The following ARHGAP24 variants were observed in gnomAD, a reference collection of about 807,000 sequenced individuals.
ARHGAP24 encodes rho GTPase-activating protein 24.
Under a neutral mutation model 76.4 loss-of-function variants are expected in ARHGAP24, and 50 were observed. The ratio of observed to expected loss-of-function variants is 0.65; its 90% CI spans 0.52 to 0.83. The LOEUF is 0.83. ARHGAP24 is among the 40% of genes least tolerant of loss of function. ARHGAP24 has a pLI of 0.00. For synonymous variants in ARHGAP24, 345 were observed against 323.3 expected, an observed-to-expected ratio of 1.07 and a Z score of -0.72; for missense variants, 930 against 914.2, an observed-to-expected ratio of 1.02 and a Z score of -0.22.
chr4:85,583,673 A>C lies in ARHGAP24; in HGVS notation c.180+12952A>C, dbSNP rs576033969. ...AACAGGCATCCTACAAAATGGGAGA[A>C]AATTTTCGCAACCTACTCATCTGAC... On this transcript the variant is annotated intron_variant, in intron 2 of 9. Transcript: ENST00000395184. Among the ~76,000 whole-genome samples, 128 of 151,876 alleles carry C rather than the reference A, an allele frequency of 8.4e-4. 1 individual carries two copies. The highest frequency in any genetic ancestry group is 3.0e-3 in the African/African-American group (124 of 41,486).
At chr4:85,987,677 CT>C (rs1029192354) in intron 8 of ARHGAP24, among the ~76,000 whole-genome samples, 2 of 151,984 alleles carry the variant, frequency 1.3e-5, no homozygotes, top group Middle Eastern at 3.4e-3. Context: ...GAATATTACA[CT>C]CGATGAGATT....
intron 3 of ARHGAP24, among the ~76,000 whole-genome samples, chr4:85,854,925 G>A (rs1731467060): frequency 1.3e-5 from 2 of 152,138 alleles, no homozygotes; most frequent in Non-Finnish European, 2.9e-5. Context: ...CCAAGAACAA[G>A]GGACTATTTA....
chr4:85,636,666 C>T (rs997903720), intron 2 of ARHGAP24, among the ~76,000 whole-genome samples: 1 of 151,900 alleles, frequency 6.6e-6, no homozygotes, highest in African/African-American at 2.4e-5. Context: ...TCTGAAAATG[C>T]GGTGGAAATA....
intron 1 of ARHGAP24, among the ~76,000 whole-genome samples, chr4:85,551,806 G>T (rs1327071903): frequency 6.7e-6 from 1 of 148,516 alleles, no homozygotes; most frequent in African/African-American, 2.5e-5. Context: ...TTAAGTTTGT[G>T]TGCACAGAGT....
intron 3 of ARHGAP24, among the ~76,000 whole-genome samples, chr4:85,846,662 T>C (rs900705073): frequency 6.6e-6 from 1 of 152,214 alleles, no homozygotes; most frequent in African/African-American, 2.4e-5. Flanking sequence ...CTTGTTATCT[T>C]GGATAAAGAT....
rs145045928 is a variant in ARHGAP24, at chr4:85,523,397, G to A, written c.-20-47125G>A. 2.3e-3 allele frequency among the ~76,000 whole-genome samples: 344 copies of A among 152,168 alleles called. 2 individuals carry two copies. The highest frequency in any genetic ancestry group is 0.014 in the Middle Eastern group (4 of 294). ...TGACTCAGAGCACCTCCTCATTGCC[G>A]TCTATTGGTAAGTCTCAAAGAAGGT... On this transcript the variant is annotated intron_variant, in intron 1 of 9. Coordinates refer to ENST00000395184, the MANE Select transcript of ARHGAP24 (RefSeq NM_001025616.3).
chr4:85,721,793 A>G, intron 2 of ARHGAP24, 92 bp from the exon 3 acceptor site: 1 of 1,114,232 alleles, frequency 9.0e-7, no homozygotes, highest in South Asian at 1.3e-5. Context: ...ATACTGGGTT[A>G]TAGCTACACC....
chr4:85,508,162 T>C (rs950882496), intron 1 of ARHGAP24, among the ~76,000 whole-genome samples: 1 of 152,120 alleles, frequency 6.6e-6, no homozygotes, highest in African/African-American at 2.4e-5. Context: ...CATATCTCAA[T>C]TGAAATATAC....
At chr4:85,905,868 T>G (rs1692732192) in intron 3 of ARHGAP24, among the ~76,000 whole-genome samples, 1 of 152,224 alleles carries the variant, frequency 6.6e-6, no homozygotes, top group Admixed American at 6.5e-5. Flanking sequence ...GCACTTGGGT[T>G]GCTTTTCATA....
chr4:85,612,891 T>C (rs1560552824), intron 2 of ARHGAP24, among the ~76,000 whole-genome samples: 1 of 141,622 alleles, frequency 7.1e-6, no homozygotes, highest in African/African-American at 2.6e-5. Context: ...CACAACCTCC[T>C]GGACTCAAGC....
At chr4:85,698,881 A>C (rs1016130988) in intron 2 of ARHGAP24, among the ~76,000 whole-genome samples, 3 of 152,198 alleles carry the variant, frequency 2.0e-5, no homozygotes, top group Non-Finnish European at 4.4e-5. Context: ...TAGGTCCCTC[A>C]TAGCCGGTGC....
chr4:85,556,473 A>G (rs965140495), intron 1 of ARHGAP24, among the ~76,000 whole-genome samples: 1 of 152,138 alleles, frequency 6.6e-6, no homozygotes, highest in African/African-American at 2.4e-5. Flanking sequence ...AGGTTTCAGC[A>G]TAGCAACCAG....
intron 1 of ARHGAP24, 81 bp downstream of exon 1, chr4:85,475,640 TGCGGGGGGCGGGG>T: frequency 1.0e-4 from 3 of 29,928 alleles, no homozygotes; most frequent in Non-Finnish European, 2.5e-4. Context: ...GGGAGGGGGC[TGCGGGGGGCGGGG>T]AGGGGGCTGC....
chr4:85,731,614 ACT>A (rs1725412789), intron 3 of ARHGAP24, among the ~76,000 whole-genome samples: 1 of 152,138 alleles, frequency 6.6e-6, no homozygotes. Context: ...AACTTCTCAG[ACT>A]CTACACGATT....
At chr4:85,501,034 T>C (rs535510951) in intron 1 of ARHGAP24, among the ~76,000 whole-genome samples, 1 of 152,310 alleles carries the variant, frequency 6.6e-6, no homozygotes, top group Non-Finnish European at 1.5e-5. Context: ...TCCATGTCCC[T>C]GCAAAGACAT....
In ARHGAP24 at chr4:85,667,737, T is replaced by C. The variant is rs145452136; in HGVS notation, c.181-54148T>C. Among the ~76,000 whole-genome samples the C allele has an allele frequency of 3.4e-3, 520 of 152,334 alleles. 11 individuals carry two copies. Among genetic ancestry groups the C allele is most frequent in the Admixed American group, 5.8e-3 (89 of 15,304 alleles). ...CTAAATGAATATTTGTGTTTTTCTGTATCCAGTATCATAAAGAATTAAAGG... is the reference window on the plus strand; with the variant it reads ...CTAAATGAATATTTGTGTTTTTCTGCATCCAGTATCATAAAGAATTAAAGG... On this transcript the variant is annotated intron_variant, in intron 2 of 9. Coordinates refer to ENST00000395184, the MANE Select transcript of ARHGAP24 (RefSeq NM_001025616.3).
chr4:85,982,902 T>C (rs1739755139), intron 8 of ARHGAP24, among the ~76,000 whole-genome samples: 1 of 152,128 alleles, frequency 6.6e-6, no homozygotes, highest in Admixed American at 6.6e-5. Context: ...ATCAGCTACA[T>C]TTCCTGATGT....
chr4:85,644,777 T>C lies in ARHGAP24; in HGVS notation c.180+74056T>C, dbSNP rs116986434. 2.0e-5 allele frequency among the ~76,000 whole-genome samples: 3 copies of C among 152,050 alleles called. No individual in the cohort carries two copies. In the East Asian group the frequency reaches 5.8e-4, roughly 29 times the overall value. The stretch of plus-strand genomic sequence containing the variant: ...TTTTGTAGTTAACTTTTCTGAACTG[T>C]TTCAAGAAATAGGGTAGTCCTTTGT... On this transcript the variant is annotated intron_variant, in intron 2 of 9. Transcript: ENST00000395184.
intron 2 of ARHGAP24, among the ~76,000 whole-genome samples, chr4:85,672,991 C>G (rs191788049): frequency 1.3e-5 from 2 of 152,284 alleles, no homozygotes; most frequent in African/African-American, 4.8e-5. Flanking sequence ...AGGTATTCAA[C>G]TTAGTTCTCT....
Sources: gnomAD v4.1 joint callset for allele counts (sites outside exome capture counted in the v4.1 genomes callset) on GRCh38, gnomAD v4.1.1 for gene constraint, MANE v1.5 for transcripts, NCBI Gene and HGNC (gene_info 2026-07-23, HGNC 2026-07-21) for gene names.